The following UNC13A variants were observed in gnomAD, a reference collection of about 807,000 sequenced individuals.
The protein encoded by UNC13A is protein unc-13 homolog A.
In UNC13A, 61 loss-of-function variants were observed where a neutral mutation model predicts 219.7. That is an observed-to-expected ratio of 0.28 (90% CI 0.23 to 0.34). The LOEUF (loss-of-function observed/expected upper bound fraction) is 0.34. Ranked by LOEUF, UNC13A falls within the 10% of genes least tolerant of loss-of-function variation. The pLI, the probability that UNC13A is intolerant of heterozygous loss-of-function variation, is 1.00. For missense variants in UNC13A, 1,476 were observed against 2,270.3 expected (o/e 0.65, Z 7.11); for synonymous variants, 920 against 884.6 (o/e 1.04, Z -0.71).
At chr19:17,617,272 T>G (rs2076676001) in intron 41 of UNC13A, among the ~76,000 whole-genome samples, 1 of 152,152 alleles carries the variant, frequency 6.6e-6, no homozygotes, top group South Asian at 2.1e-4. Context: ...AACGATTCCC[T>G]GGACCCATGA....
At chr19:17,630,402 A>G in intron 29 of UNC13A, 114 bp from the exon 30 acceptor site, 2 of 1,479,072 alleles carry the variant, frequency 1.4e-6, no homozygotes, top group South Asian at 1.3e-5. Context: ...CCGGGGTGAG[A>G]TGGACAGAGG....
rs747948886 is a variant in UNC13A at position 17,656,114 on chromosome 19, A to ACCTCCT, written c.1046_1051dup (p.Glu349_Glu350dup). ...GGCATAGCTGCCCAAATCGTCAGGC[A>ACCTCCT]CCTCCTCCTCCTCCTCCTCCAGCTC... On this transcript the variant is annotated inframe_insertion, in exon 10 of 44. Coordinates refer to ENST00000519716, the MANE Select transcript of UNC13A (RefSeq NM_001080421.3). 2.0e-6 allele frequency: 3 copies of ACCTCCT among 1,480,120 alleles called. No individual in the cohort carries two copies. Among genetic ancestry groups the ACCTCCT allele is most frequent in the Middle Eastern group, 1.7e-4 (1 of 5,780 alleles). 91.7% of individuals were successfully genotyped at this position (1,480,120 alleles called of 1,614,324 possible).
Position 17,655,361 on chromosome 19 carries a change from C to T in UNC13A, c.1305G>A (p.Glu435=), listed in dbSNP as rs765443863. 5.0e-6 allele frequency: 8 copies of T among 1,585,514 alleles called. No individual in the cohort carries two copies. Among genetic ancestry groups the T allele is most frequent in the Admixed American group, 1.8e-5 (1 of 55,654 alleles). Residue 435 remains glutamate (E), a synonymous_variant, in exon 11 of 44, where the codon GAG becomes GAA. Transcript: ENST00000519716. ...DEESFRPRED[E]EGQEGQDSMS... ...TGGAGTCCTGCCCCTCCTGGCCTTCCTCATCCTCTCTCGGCCTGAAACTGA... is the reference window on the plus strand; with the variant it reads ...TGGAGTCCTGCCCCTCCTGGCCTTCTTCATCCTCTCTCGGCCTGAAACTGA...
intron 22 of UNC13A, 149 bp downstream of exon 22, chr19:17,640,362 G>A (rs2076955829): frequency 6.2e-6 from 7 of 1,135,762 alleles, no homozygotes; most frequent in Non-Finnish European, 8.4e-6. Flanking sequence ...ATTCTACAGA[G>A]GAATAAATGG....
At chr19:17,654,750 T>G (rs1293794111) in intron 11 of UNC13A, among the ~76,000 whole-genome samples, 1 of 152,168 alleles carries the variant, frequency 6.6e-6, no homozygotes, top group Non-Finnish European at 1.5e-5. Flanking sequence ...CTGACCCCTT[T>G]GCCTAACACC....
intron 43 of UNC13A, among the ~76,000 whole-genome samples, chr19:17,607,879 T>TTC (rs1351617537): frequency 6.9e-6 from 1 of 144,026 alleles, no homozygotes; most frequent in Non-Finnish European, 1.5e-5. Context: ...GAACAGACTT[T>TTC]TTTTTTTTTT....
At chr19:17,678,712 G>C (rs2079948604) in intron 1 of UNC13A, among the ~76,000 whole-genome samples, 1 of 152,026 alleles carries the variant, frequency 6.6e-6, no homozygotes, top group Non-Finnish European at 1.5e-5. Flanking sequence ...AGGAGCTTTG[G>C]GCCTGGCTCC....
Position 17,648,412 on chromosome 19 carries a change from G to A in UNC13A, c.1816+19C>T, listed in dbSNP as rs2079283984. Reference sequence around the variant, plus strand: ...TCCCCACGCCAACCCGTGGCCCTGCGCTCAGGCCCTGCGCTCACGCTGCAG... The same window carrying A: ...TCCCCACGCCAACCCGTGGCCCTGCACTCAGGCCCTGCGCTCACGCTGCAG... On this transcript the variant is annotated intron_variant, in intron 16 of 43. Transcript: ENST00000519716. 1 of 1,541,174 alleles carries A rather than the reference G, an allele frequency of 6.5e-7. No individual in the cohort carries two copies. The highest frequency in any genetic ancestry group is 8.7e-7 in the Non-Finnish European group (1 of 1,147,414).
chr19:17,616,515 C>T (rs1051080183), intron 41 of UNC13A: 18 of 406,792 alleles, frequency 4.4e-5, no homozygotes, highest in Non-Finnish European at 7.6e-5. Flanking sequence ...GCATGGGGAG[C>T]GGGGAGAGAC....
chr19:17,633,332 A>G, intron 26 of UNC13A, 139 bp from the exon 27 acceptor site: 1 of 699,340 alleles, frequency 1.4e-6, no homozygotes, highest in South Asian at 1.8e-5. Flanking sequence ...GCCACTGCTG[A>G]CTGACTCTGC....
chr19:17,641,700 C>G, intron 20 of UNC13A, 144 bp from the exon 21 acceptor site: 1 of 782,722 alleles, frequency 1.3e-6, no homozygotes, highest in South Asian at 2.1e-5. Context: ...ATCCACACAC[C>G]CACCCATCTA....
At chr19:17,623,453 G>T in intron 36 of UNC13A, 89 bp downstream of exon 36, 1 of 1,015,164 alleles carries the variant, frequency 9.9e-7, no homozygotes. Flanking sequence ...GGCGCTGGGT[G>T]GGTGGGGAGA....
intron 41 of UNC13A, chr19:17,616,291 G>T: frequency 1.7e-6 from 1 of 592,850 alleles, no homozygotes; most frequent in Non-Finnish European, 3.0e-6. Flanking sequence ...TCAGGCCTGG[G>T]CGGCGGCCCT....
At chr19:17,628,304 C>CTT in intron 31 of UNC13A, 1 of 232,192 alleles carries the variant, frequency 4.3e-6, no homozygotes. Context: ...CAGTGACACA[C>CTT]TGAAGGCGTG....
At chr19:17,611,573 A>G (rs2076603918) in intron 42 of UNC13A, among the ~76,000 whole-genome samples, 190 bp downstream of exon 42, 1 of 152,226 alleles carries the variant, frequency 6.6e-6, no homozygotes, top group Non-Finnish European at 1.5e-5. Flanking sequence ...GAGATGGAGA[A>G]AGTGGGATTC....
intron 1 of UNC13A, among the ~76,000 whole-genome samples, chr19:17,687,309 C>A (rs759934437): frequency 1.3e-4 from 20 of 152,116 alleles, no homozygotes; most frequent in African/African-American, 1.9e-4. Flanking sequence ...GCTCCCCCCC[C>A]ACCTCACGTC....
At chr19:17,609,217 G>T (rs1242347313) in intron 43 of UNC13A, among the ~76,000 whole-genome samples, 2 of 148,432 alleles carry the variant, frequency 1.3e-5, no homozygotes, top group East Asian at 4.0e-4. Flanking sequence ...TGATCTGTCT[G>T]CCTCGGCGTC....
intron 36 of UNC13A, 150 bp from the exon 37 acceptor site, chr19:17,622,020 T>C: frequency 2.7e-6 from 2 of 745,078 alleles, no homozygotes; most frequent in South Asian, 3.1e-5. Flanking sequence ...TGTTTGTGTG[T>C]GTGTCTGTGT....
At chr19:17,638,121 A>G (rs1251677962) in intron 25 of UNC13A, among the ~76,000 whole-genome samples, 4 of 143,996 alleles carry the variant, frequency 2.8e-5, no homozygotes, top group African/African-American at 1.0e-4. Context: ...AGATCCCACT[A>G]TCTCAATACT....
Sources: gnomAD v4.1 joint callset for allele counts (sites outside exome capture counted in the v4.1 genomes callset) on GRCh38, gnomAD v4.1.1 for gene constraint, MANE v1.5 for transcripts, NCBI Gene and HGNC (gene_info 2026-07-23, HGNC 2026-07-21) for gene names.